The following TLL2 variants were observed in gnomAD, a reference collection of about 807,000 sequenced individuals.
TLL2 encodes the protein tolloid like 2, also known as tolloid-like protein 2.
A neutral mutation model predicts 123.0 loss-of-function variants in TLL2; 106 were observed. That is an observed-to-expected ratio of 0.86 (90% CI 0.74 to 1.01). The LOEUF (loss-of-function observed/expected upper bound fraction) is 1.01, where lower values mean the gene tolerates loss of function less well. TLL2 is among the 50% of genes least tolerant of loss of function. The pLI is 0.00. For missense variants in TLL2, 1,332 were observed against 1,336.7 expected (o/e 1.00, Z 0.06); for synonymous variants, 494 against 516.8 (o/e 0.96, Z 0.60).
chr10:96,418,685 GTATATGAATATA>G (rs1446206986), intron 7 of TLL2, among the ~76,000 whole-genome samples: 11 of 146,942 alleles, frequency 7.5e-5, no homozygotes, highest in Admixed American at 2.7e-4. Context: ...ACATATGAAT[GTATATGAATATA>G]TATATGAATA....
At chr10:96,473,886 A>G (rs549508745) in intron 2 of TLL2, among the ~76,000 whole-genome samples, 2 of 152,056 alleles carry the variant, frequency 1.3e-5, no homozygotes, top group South Asian at 4.2e-4. Flanking sequence ...TCTCCTCCAC[A>G]TCTCCTGTGG....
At chr10:96,396,942 G>C (rs1180241877) in intron 11 of TLL2, among the ~76,000 whole-genome samples, 1 of 152,312 alleles carries the variant, frequency 6.6e-6, no homozygotes, top group South Asian at 2.1e-4. Flanking sequence ...AGCTGGCCTG[G>C]AATGAGGGTT....
chr10:96,479,624 C>A (rs974019439), intron 2 of TLL2, among the ~76,000 whole-genome samples: 3 of 152,234 alleles, frequency 2.0e-5, no homozygotes, highest in Non-Finnish European at 4.4e-5. Flanking sequence ...TCAAGGCACC[C>A]CTGATTTCAA....
intron 1 of TLL2, among the ~76,000 whole-genome samples, chr10:96,508,332 C>G (rs1847596091): frequency 6.6e-6 from 1 of 152,214 alleles, no homozygotes; most frequent in Non-Finnish European, 1.5e-5. Flanking sequence ...CCAGAGAGGG[C>G]TCTTGGTGAG....
chr10:96,386,244 A>C, intron 14 of TLL2, 29 bp from the exon 15 acceptor site: 1 of 1,529,684 alleles, frequency 6.5e-7, no homozygotes, highest in Non-Finnish European at 8.8e-7. Flanking sequence ...AACAGGATTC[A>C]TTTGGCTTTG....
At chr10:96,445,336 G>A (rs1420299657) in intron 3 of TLL2, among the ~76,000 whole-genome samples, 1 of 152,216 alleles carries the variant, frequency 6.6e-6, no homozygotes, top group Non-Finnish European at 1.5e-5. Context: ...AACAGGAGAA[G>A]CTTCTCCACA....
chr10:96,462,257 C>T (rs1847087780), intron 2 of TLL2, among the ~76,000 whole-genome samples: 2 of 152,202 alleles, frequency 1.3e-5, no homozygotes, highest in South Asian at 2.1e-4. Context: ...CAGCCCTTTG[C>T]CTCATTGTTC....
intron 2 of TLL2, among the ~76,000 whole-genome samples, chr10:96,467,106 C>G (rs935284332): frequency 6.6e-6 from 1 of 152,096 alleles, no homozygotes; most frequent in Non-Finnish European, 1.5e-5. Flanking sequence ...CAAAGTAGAC[C>G]CATCTAAAAA....
rs145111805 is a variant in TLL2 at position 96,373,725 on chromosome 10, G to A, written c.2533C>T (p.Pro845Ser). The A allele has an allele frequency of 6.2e-7, 1 of 1,614,124 alleles. No individual in the cohort carries two copies. The highest frequency in any genetic ancestry group is 1.3e-5 in the African/African-American group (1 of 74,952). ...EMYDGPDSLA[P>S]ILGRFCGSKK... ...CTGCCGCAGAAACGGCCCAGAATGG[G>A]GGCCAGGCTGTCCGGCCCGTCATAC... Residue 845 changes from proline (P) to serine (S), a missense_variant, in exon 19 of 21, where the codon CCC becomes TCC. Coordinates refer to ENST00000357947, the MANE Select transcript of TLL2 (RefSeq NM_012465.4).
At chr10:96,476,815 A>C (rs1238073058) in intron 2 of TLL2, among the ~76,000 whole-genome samples, 2 of 151,732 alleles carry the variant, frequency 1.3e-5, no homozygotes, top group Non-Finnish European at 2.9e-5. Flanking sequence ...AATTCAGACA[A>C]CACCAAAGCA....
intron 1 of TLL2, among the ~76,000 whole-genome samples, chr10:96,495,958 CTT>C (rs1234701295): frequency 2.0e-5 from 3 of 152,144 alleles, no homozygotes; most frequent in Non-Finnish European, 4.4e-5. Flanking sequence ...ACTTGGAAAA[CTT>C]TAAAACTGAA....
At chr10:96,422,121 T>C (rs747695856) in intron 6 of TLL2, among the ~76,000 whole-genome samples, 1 of 152,172 alleles carries the variant, frequency 6.6e-6, no homozygotes, top group Non-Finnish European at 1.5e-5. Context: ...TGTTTTTACA[T>C]GTGTTCATGT....
intron 2 of TLL2, among the ~76,000 whole-genome samples, chr10:96,474,705 A>G (rs1175058277): frequency 6.6e-6 from 1 of 152,216 alleles, no homozygotes; most frequent in East Asian, 1.9e-4. Flanking sequence ...ACAGCACAGC[A>G]GTATTCGTTT....
In TLL2 at chr10:96,452,259, C is replaced by T. The variant is rs116691710; in HGVS notation, c.287-6091G>A. On this transcript the variant is annotated intron_variant, in intron 2 of 20. Transcript: ENST00000357947. ...GAGTCCTAGGAGGGTCTCTCAGAGT[C>T]GGTGACATTTGAGCTAAGTGATGAG... 8.4e-3 allele frequency among the ~76,000 whole-genome samples: 1,276 copies of T among 152,272 alleles called. 19 individuals carry two copies. The highest frequency in any genetic ancestry group is 0.028 in the African/African-American group (1,168 of 41,560).
chr10:96,392,143 G>C (rs1360444540), intron 13 of TLL2, among the ~76,000 whole-genome samples: 1 of 152,184 alleles, frequency 6.6e-6, no homozygotes, highest in Non-Finnish European at 1.5e-5. Context: ...TTGAATGCAC[G>C]CTAGATGGGG....
chr10:96,412,939 G>C (rs1038202095), intron 8 of TLL2, among the ~76,000 whole-genome samples: 3 of 152,172 alleles, frequency 2.0e-5, no homozygotes, highest in East Asian at 1.9e-4. Flanking sequence ...GGACACAAAG[G>C]CTTTGCCAGA....
At chr10:96,445,978 TA>T in intron 3 of TLL2, 112 bp downstream of exon 3, 2 of 1,066,456 alleles carry the variant, frequency 1.9e-6, no homozygotes, top group South Asian at 2.8e-5. Flanking sequence ...ATTGTGAATG[TA>T]CTTAATGCCA....
chr10:96,453,532 A>G (rs924290242), intron 2 of TLL2, among the ~76,000 whole-genome samples: 4 of 152,226 alleles, frequency 2.6e-5, no homozygotes, highest in Non-Finnish European at 5.9e-5. Context: ...TTAATTGGCA[A>G]TGAAGTCAAA....
chr10:96,387,443 T>C (rs1443749411), intron 13 of TLL2, among the ~76,000 whole-genome samples: 2 of 152,168 alleles, frequency 1.3e-5, no homozygotes, highest in Non-Finnish European at 2.9e-5. Flanking sequence ...AATTGAGGAC[T>C]TCCCCTGCCC....
Sources: gnomAD v4.1 joint callset for allele counts (sites outside exome capture counted in the v4.1 genomes callset) on GRCh38, gnomAD v4.1.1 for gene constraint, MANE v1.5 for transcripts, NCBI Gene and HGNC (gene_info 2026-07-23, HGNC 2026-07-21) for gene names.